The following MBD5 variants were observed in gnomAD, a reference collection of about 807,000 sequenced individuals.
MBD5 encodes methyl-CpG-binding domain protein 5.
A neutral mutation model predicts 117.3 loss-of-function variants in MBD5; 13 were observed. The observed-to-expected ratio is 0.11, with a 90% CI of 0.07 to 0.18. The LOEUF is 0.18. Ranked by LOEUF, MBD5 falls within the 10% of genes least tolerant of loss-of-function variation. The pLI is 1.00. For synonymous variants in MBD5, 727 were observed against 766.4 expected (o/e 0.95, Z 0.85); for missense variants, 1,879 against 2,093.8 (o/e 0.90, Z 2.00).
chr2:148,217,535 A>T (rs902787700), intron 2 of MBD5, among the ~76,000 whole-genome samples: 1 of 152,150 alleles, frequency 6.6e-6, no homozygotes, highest in Non-Finnish European at 1.5e-5. Flanking sequence ...GACTTACTCT[A>T]TGTCACACTA....
chr2:148,279,018 G>T (rs187380380), intron 3 of MBD5, among the ~76,000 whole-genome samples: 3 of 152,272 alleles, frequency 2.0e-5, no homozygotes, highest in Non-Finnish European at 2.9e-5. Flanking sequence ...TCCCCCAAGC[G>T]ATTGGATGGT....
chr2:148,220,603 T>C (rs1355715179), intron 2 of MBD5, among the ~76,000 whole-genome samples: 1 of 152,136 alleles, frequency 6.6e-6, no homozygotes, highest in African/African-American at 2.4e-5. Flanking sequence ...GTCATAGTCT[T>C]ATTTTTTATT....
chr2:148,506,605 C>T lies in MBD5; in HGVS notation c.5037-3455C>T, dbSNP rs7568344. On this transcript the variant is annotated intron_variant, in intron 12 of 13. Transcript: ENST00000642680. ...CAACTTGCAATTTCTCATTTCCCTT[C>T]TATTTCTTGTACTACTCATAGAGGT... is the stretch of plus-strand genomic sequence containing the variant. 5.6e-3 allele frequency among the ~76,000 whole-genome samples: 860 copies of T among 152,220 alleles called. 6 individuals carry two copies. The highest frequency in any genetic ancestry group is 0.019 in the African/African-American group (808 of 41,538).
At chr2:148,399,293 T>C (rs1704839188) in intron 4 of MBD5, among the ~76,000 whole-genome samples, 1 of 152,242 alleles carries the variant, frequency 6.6e-6, no homozygotes, top group Non-Finnish European at 1.5e-5. Context: ...GAGCATGGAA[T>C]GTTCTTCCAT....
intron 1 of MBD5, among the ~76,000 whole-genome samples, chr2:148,131,744 T>G (rs983261095): frequency 5.3e-5 from 8 of 152,194 alleles, no homozygotes; most frequent in Admixed American, 5.2e-4. Flanking sequence ...AAGGAAATTT[T>G]TGTATGCATT....
At chr2:148,169,948 A>G (rs1043607584) in intron 1 of MBD5, among the ~76,000 whole-genome samples, 8 of 147,980 alleles carry the variant, frequency 5.4e-5, no homozygotes, top group Non-Finnish European at 8.9e-5. Context: ...CCCAGGCTGG[A>G]GTGCAGTGGC....
chr2:148,317,899 A>G (rs756792982), intron 3 of MBD5, among the ~76,000 whole-genome samples: 4 of 152,180 alleles, frequency 2.6e-5, no homozygotes, highest in Non-Finnish European at 4.4e-5. Flanking sequence ...TTGCTTTGTG[A>G]ATAGTGCTGC....
rs932106598 is a variant in MBD5, at chr2:148,282,050, T to G, written c.-680+48655T>G. 2.0e-5 allele frequency among the ~76,000 whole-genome samples: 3 copies of G among 152,172 alleles called. No homozygotes were observed. The East Asian group carries it at 5.8e-4, about 29-fold the overall frequency. On this transcript the variant is annotated intron_variant, in intron 3 of 13. Coordinates refer to ENST00000642680, the MANE Select transcript of MBD5 (RefSeq NM_001378120.1). ...GTGACTTTTATTTTTAGTACAGCAG[T>G]ATCTTGATTTTTTTCTTTACTATAT... is the stretch of plus-strand genomic sequence containing the variant.
At chr2:148,428,770 G>A (rs938572544) in intron 4 of MBD5, among the ~76,000 whole-genome samples, 1 of 152,184 alleles carries the variant, frequency 6.6e-6, no homozygotes, top group Admixed American at 6.5e-5. Flanking sequence ...AATAAATGGT[G>A]TTGGGAAAAC....
chr2:148,042,544 C>T (rs1487817189), intron 1 of MBD5, among the ~76,000 whole-genome samples: 1 of 151,558 alleles, frequency 6.6e-6, no homozygotes, highest in East Asian at 1.9e-4. Flanking sequence ...TTTACCATAT[C>T]GAGCCTCAGT....
Position 148,281,890 on chromosome 2 carries a change from T to TG in MBD5, c.-680+48495_-680+48496insG, listed in dbSNP as rs1701256158. 2.0e-5 allele frequency among the ~76,000 whole-genome samples: 3 copies of TG among 152,296 alleles called. No individual in the cohort carries two copies. The South Asian group carries it at 6.2e-4, about 32-fold the overall frequency. The stretch of plus-strand genomic sequence containing the variant: ...TTTTATGCACTGAGACTTGCTCAAG[T>TG]CTTTTGCCAGGTGGTTCTTTTTAAT... On this transcript the variant is annotated intron_variant, in intron 3 of 13. Coordinates refer to ENST00000642680, the MANE Select transcript of MBD5 (RefSeq NM_001378120.1).
rs533914121 is a variant in MBD5 at position 148,319,657 on chromosome 2, A to C, written c.-679-22557A>C. On this transcript the variant is annotated intron_variant, in intron 3 of 13. Coordinates refer to ENST00000642680, the MANE Select transcript of MBD5 (RefSeq NM_001378120.1). The stretch of plus-strand genomic sequence containing the variant: ...ATCAAATCTAAGAGGTTTTTGGTGG[A>C]GTCTTTAGAATTTGCTAGATATAAG... Among the ~76,000 whole-genome samples the C allele has an allele frequency of 7.9e-5, 12 of 152,212 alleles. No homozygotes were observed. The South Asian group carries it at 2.5e-3, about 32-fold the overall frequency.
intron 7 of MBD5, among the ~76,000 whole-genome samples, chr2:148,464,236 C>T (rs1707186424): frequency 6.6e-6 from 1 of 152,018 alleles, no homozygotes; most frequent in Non-Finnish European, 1.5e-5. Context: ...TAAATGTAGC[C>T]TTTTTCCTGG....
intron 11 of MBD5, among the ~76,000 whole-genome samples, chr2:148,491,314 T>C (rs1298470112): frequency 2.7e-5 from 4 of 147,152 alleles, no homozygotes; most frequent in Non-Finnish European, 5.9e-5. Flanking sequence ...TTTTTTTTTT[T>C]CGGCCTTTAC....
chr2:148,400,590 T>A (rs1286705050), intron 4 of MBD5, among the ~76,000 whole-genome samples: 3 of 152,210 alleles, frequency 2.0e-5, no homozygotes, highest in Non-Finnish European at 4.4e-5. Context: ...TTTTTTTATG[T>A]AGGAATTAAA....
rs1395209215 is a variant in MBD5, at chr2:148,516,921, T to A, written c.*3980T>A. ...CTTCATAATATACAAATGTGTTTTG[T>A]AACATCATGCCTTTATGGATTAAGT... On this transcript the variant is annotated 3_prime_UTR_variant, in exon 14 of 14. Coordinates refer to ENST00000642680, the MANE Select transcript of MBD5 (RefSeq NM_001378120.1). 1 of 152,240 alleles carries A rather than the reference T, an allele frequency of 6.6e-6. No individual in the cohort carries two copies. The highest frequency in any genetic ancestry group is 1.5e-5 in the Non-Finnish European group (1 of 68,044). The allele number at this position is 152,240 out of a possible 1,614,324, so 9.4% of individuals were successfully genotyped here.
intron 1 of MBD5, chr2:148,026,390 G>A (rs1256055818): frequency 6.6e-6 from 1 of 152,026 alleles, no homozygotes; most frequent in Non-Finnish European, 1.5e-5. Context: ...AAAAAACCCA[G>A]TCTTTTATAA....
intron 4 of MBD5, among the ~76,000 whole-genome samples, chr2:148,394,875 A>G (rs985617893): frequency 6.6e-6 from 1 of 152,132 alleles, no homozygotes; most frequent in Non-Finnish European, 1.5e-5. Flanking sequence ...TCTAACTCCT[A>G]TATCAACACC....
chr2:148,468,371 C>T lies in MBD5; in HGVS notation c.428C>T (p.Ala143Val), dbSNP rs750151785. The change falls in exon 8 of 14, where the codon GCA becomes GTA. Residue 143 changes from alanine to valine, a missense_variant. Around this residue, in one of 4 missense-constraint regions of MBD5, gnomAD observed 1,666 missense variants for 1,792.2 expected, o/e 0.93. Coordinates refer to ENST00000642680, the MANE Select transcript of MBD5 (RefSeq NM_001378120.1). ...NATPVVPSRA[A>V]TPRSVRNKSH... ...ACTCCAGTAGTACCTTCTCGGGCAG[C>T]AACTCCAAGATCAGTAAGAAATAAG... 3.7e-6 allele frequency: 6 copies of T among 1,613,532 alleles called. No individual in the cohort carries two copies. In the African/African-American group the frequency reaches 4.0e-5, roughly 11 times the overall value.
Sources: gnomAD v4.1 joint callset for allele counts (sites outside exome capture counted in the v4.1 genomes callset) on GRCh38, gnomAD v4.1.1 for gene constraint, gnomAD v4.1.1 regional missense constraint, MANE v1.5 for transcripts, NCBI Gene and HGNC (gene_info 2026-07-23, HGNC 2026-07-21) for gene names.